Variants in TAFA4 observed in about 807,000 individuals in gnomAD.
The protein encoded by TAFA4 is chemokine-like protein TAFA-4.
A neutral mutation model predicts 21.1 loss-of-function variants in TAFA4; 20 were observed. That is an observed-to-expected ratio of 0.95 (90% CI 0.67 to 1.38). TAFA4 has a LOEUF of 1.38. TAFA4 is among the 40% of genes most tolerant of loss of function. The pLI is 0.00. For synonymous variants in TAFA4, 71 were observed against 67.4 expected, an observed-to-expected ratio of 1.05 and a Z score of -0.26; for missense variants, 211 against 180.9, an observed-to-expected ratio of 1.17 and a Z score of -0.95.
chr3:68,796,609 G>A (rs9866665), intron 3 of TAFA4, among the ~76,000 whole-genome samples: 62,768 of 151,916 alleles, frequency 0.41, 13,485 homozygotes, highest in Non-Finnish European at 0.46. Flanking sequence ...GACCAAAAGC[G>A]TAAGCAACAA....
At chr3:68,821,959 G>A (rs144674346) in intron 3 of TAFA4, among the ~76,000 whole-genome samples, 9 of 152,212 alleles carry the variant, frequency 5.9e-5, no homozygotes, top group South Asian at 2.1e-4. Flanking sequence ...AATGGAAACC[G>A]CCTGTAGAAA....
intron 3 of TAFA4, among the ~76,000 whole-genome samples, chr3:68,811,578 T>C (rs985119861): frequency 8.5e-5 from 13 of 152,062 alleles, no homozygotes; most frequent in African/African-American, 2.9e-4. Context: ...GTATCAGTGA[T>C]GGAAGATCAA....
chr3:68,839,613 G>A lies in TAFA4; in HGVS notation c.130+41117C>T, dbSNP rs961961612. Among the ~76,000 whole-genome samples, 53 of 152,242 alleles carry A rather than the reference G, an allele frequency of 3.5e-4. 1 individual carries two copies. The highest frequency in any genetic ancestry group is 1.2e-3 in the African/African-American group (51 of 41,560). On this transcript the variant is annotated intron_variant, in intron 3 of 5. Transcript: ENST00000295569. Reference sequence around the variant, plus strand: ...TCACAACCTTTTCACACTGAGAAACGTAAACCTGTCTCTTAAAAAATCATT... The same window carrying A: ...TCACAACCTTTTCACACTGAGAAACATAAACCTGTCTCTTAAAAAATCATT...
At chr3:68,768,038 T>C (rs1318108905) in intron 3 of TAFA4, among the ~76,000 whole-genome samples, 1 of 152,018 alleles carries the variant, frequency 6.6e-6, no homozygotes, top group Admixed American at 6.6e-5. Context: ...GTTATAAGAA[T>C]ACTGACTAAC....
chr3:68,816,989 G>A (rs1703994089), intron 3 of TAFA4, among the ~76,000 whole-genome samples: 1 of 152,114 alleles, frequency 6.6e-6, no homozygotes, highest in Admixed American at 6.6e-5. Flanking sequence ...CAAAGGCTGG[G>A]GTGGCTGTGG....
At chr3:68,834,994 G>A (rs1704489209) in intron 3 of TAFA4, among the ~76,000 whole-genome samples, 1 of 152,104 alleles carries the variant, frequency 6.6e-6, no homozygotes, top group African/African-American at 2.4e-5. Flanking sequence ...CAGGATAGAA[G>A]CCAAAATCTT....
intron 3 of TAFA4, among the ~76,000 whole-genome samples, chr3:68,810,614 G>A (rs1017844375): frequency 2.6e-5 from 4 of 152,208 alleles, no homozygotes; most frequent in Non-Finnish European, 4.4e-5. Flanking sequence ...AGGTGGCAGT[G>A]AGGCTGGGGG....
At chr3:68,870,365 A>G (rs1467277160) in intron 3 of TAFA4, among the ~76,000 whole-genome samples, 1 of 152,132 alleles carries the variant, frequency 6.6e-6, no homozygotes, top group Non-Finnish European at 1.5e-5. Context: ...ATTCATGTGG[A>G]GCCATAAAAG....
chr3:68,753,608 T>C (rs959877196), intron 3 of TAFA4, among the ~76,000 whole-genome samples: 1 of 152,138 alleles, frequency 6.6e-6, no homozygotes, highest in African/African-American at 2.4e-5. Flanking sequence ...AGTGCTGGGA[T>C]TATAGGTGTG....
intron 1 of TAFA4, among the ~76,000 whole-genome samples, chr3:68,898,428 G>A (rs923408795): frequency 2.0e-5 from 3 of 152,190 alleles, no homozygotes; most frequent in Admixed American, 6.5e-5. Flanking sequence ...CAAGGTGGGC[G>A]GATCACCTGA....
chr3:68,736,505 A>T (rs1702243537), intron 5 of TAFA4, among the ~76,000 whole-genome samples: 1 of 152,168 alleles, frequency 6.6e-6, no homozygotes, highest in Non-Finnish European at 1.5e-5. Flanking sequence ...GGAAAATAAA[A>T]TTCTGACATA....
At chr3:68,875,825 T>A (rs745874205) in intron 3 of TAFA4, among the ~76,000 whole-genome samples, 1 of 152,010 alleles carries the variant, frequency 6.6e-6, no homozygotes, top group African/African-American at 2.4e-5. Context: ...AAGCTATTCA[T>A]CAGGAAACAG....
Position 68,842,108 on chromosome 3 carries a change from TG to T in TAFA4, c.130+38621del, listed in dbSNP as rs1704679441. On this transcript the variant is annotated intron_variant, in intron 3 of 5. Transcript: ENST00000295569. ...AATGGTATTTCTGGTTCTAGATCCT[TG>T]AGGAATTGCCACACTGTCTTCCACA... Among the ~76,000 whole-genome samples the T allele has an allele frequency of 2.6e-5, 4 of 152,182 alleles. No homozygotes were observed. The South Asian group carries it at 8.3e-4, about 31-fold the overall frequency.
At chr3:68,835,266 T>C (rs980271532) in intron 3 of TAFA4, among the ~76,000 whole-genome samples, 1 of 152,194 alleles carries the variant, frequency 6.6e-6, no homozygotes, top group African/African-American at 2.4e-5. Context: ...CTGTGTTATT[T>C]TTCTCCTCAG....
Position 68,732,916 on chromosome 3 carries a change from G to A in TAFA4, c.*226C>T. ...GTATGCTCCTTGGGAATCCAGAGAGGATGTCAAATGGGTGGTGGCTTGTGG... is the reference window on the plus strand; with the variant it reads ...GTATGCTCCTTGGGAATCCAGAGAGAATGTCAAATGGGTGGTGGCTTGTGG... On this transcript the variant is annotated 3_prime_UTR_variant, in exon 6 of 6. Transcript: ENST00000295569. 1 of 538,654 alleles carries A rather than the reference G, an allele frequency of 1.9e-6. No individual in the cohort carries two copies. The highest frequency in any genetic ancestry group is 2.9e-5 in the East Asian group (1 of 34,212). The allele number at this position is 538,654 out of a possible 1,614,324, so 33.4% of individuals were successfully genotyped here. A position where few individuals can be genotyped will look rare whatever the true frequency, so the allele number is the denominator to read the frequency against.
At chr3:68,915,497 G>T (rs1331764180) in intron 1 of TAFA4, among the ~76,000 whole-genome samples, 1 of 152,182 alleles carries the variant, frequency 6.6e-6, no homozygotes, top group Non-Finnish European at 1.5e-5. Flanking sequence ...TAGGGTCATT[G>T]TTGGACATGT....
At chr3:68,839,770 C>A (rs1193296583) in intron 3 of TAFA4, among the ~76,000 whole-genome samples, 2 of 152,104 alleles carry the variant, frequency 1.3e-5, no homozygotes, top group African/African-American at 4.8e-5. Flanking sequence ...GGTGCTGGGT[C>A]TCTGAGGATA....
At chr3:68,865,421 G>A (rs1274435178) in intron 3 of TAFA4, among the ~76,000 whole-genome samples, 4 of 151,916 alleles carry the variant, frequency 2.6e-5, no homozygotes, top group African/African-American at 9.7e-5. Flanking sequence ...ATGGGGCCAG[G>A]TTTTTCCCTG....
intron 3 of TAFA4, among the ~76,000 whole-genome samples, chr3:68,762,986 T>C (rs1354439): frequency 0.69 from 104,825 of 152,186 alleles, 36,612 homozygotes; most frequent in East Asian, 0.99. Context: ...TGCAGGGAGC[T>C]GAGATCATGC....
Sources: gnomAD v4.1 joint callset for allele counts (sites outside exome capture counted in the v4.1 genomes callset) on GRCh38, gnomAD v4.1.1 for gene constraint, MANE v1.5 for transcripts, NCBI Gene and HGNC (gene_info 2026-07-23, HGNC 2026-07-21) for gene names.